RP1: variants seen among roughly 807,000 people sequenced by gnomAD.
RP1 encodes the protein RP1 axonemal microtubule associated.
In RP1, 16 loss-of-function variants were observed where a neutral mutation model predicts 14.8. The observed-to-expected ratio is 1.08, with a 90% CI of 0.73 to 1.65. RP1 has a LOEUF of 1.65. RP1 is among the 40% of genes most tolerant of loss of function. RP1 has a pLI of 0.00. For synonymous variants in RP1, 876 were observed against 883.6 expected, an observed-to-expected ratio of 0.99 and a Z score of 0.15; for missense variants, 2,631 against 2,535.0, an observed-to-expected ratio of 1.04 and a Z score of -0.81.
At chr8:54,691,396 A>G (rs1314843344) in intron 12 of RP1, among the ~76,000 whole-genome samples, 2 of 152,094 alleles carry the variant, frequency 1.3e-5, no homozygotes, top group Non-Finnish European at 2.9e-5. Context: ...GAAGAAATAA[A>G]TCTAGAAGGA....
At chr8:54,836,968 T>G (rs2129402947) in intron 24 of RP1, among the ~76,000 whole-genome samples, 1 of 152,266 alleles carries the variant, frequency 6.6e-6, no homozygotes, top group East Asian at 1.9e-4. Flanking sequence ...TTATGTGTTC[T>G]GGGGGGTGCA....
intron 24 of RP1, among the ~76,000 whole-genome samples, chr8:54,831,601 A>C (rs1277140128): frequency 6.6e-6 from 1 of 151,624 alleles, no homozygotes; most frequent in African/African-American, 2.4e-5. Flanking sequence ...TTCTACATAT[A>C]TTACAAACCC....
intron 15 of RP1, among the ~76,000 whole-genome samples, chr8:54,708,641 G>C (rs1032775879): frequency 6.6e-6 from 1 of 151,906 alleles, no homozygotes; most frequent in African/African-American, 2.4e-5. Flanking sequence ...TTACAGGCGT[G>C]AGCCACTGAG....
chr8:54,742,825 G>A (rs1278648352), intron 19 of RP1, among the ~76,000 whole-genome samples: 2 of 152,102 alleles, frequency 1.3e-5, no homozygotes, highest in Non-Finnish European at 2.9e-5. Flanking sequence ...GCTTTCTCTG[G>A]GGCCTGTGAG....
At chr8:54,855,973 C>CACACACA (rs367829972) in intron 26 of RP1, among the ~76,000 whole-genome samples, 1,290 of 102,236 alleles carry the variant, frequency 0.013, 31 homozygotes, top group African/African-American at 0.059. Flanking sequence ...ACACACACAC[C>CACACACA]CCCTATAACC....
rs553400335 is a variant in RP1, at chr8:54,694,208, G to A, written c.1718-5259G>A. Among the ~76,000 whole-genome samples, 456 of 152,226 alleles carry A rather than the reference G, an allele frequency of 3.0e-3. 3 individuals are homozygous for A. The highest frequency in any genetic ancestry group is 9.8e-3 in the African/African-American group (407 of 41,550). ...TGGATAAGCTTTTTGATGTGCTGCTGGATTCAGTTTGCCAGTATTTTATTG... is the reference window on the plus strand; with the variant it reads ...TGGATAAGCTTTTTGATGTGCTGCTAGATTCAGTTTGCCAGTATTTTATTG... On this transcript the variant is annotated intron_variant, in intron 12 of 22. Coordinates refer to the RP1 transcript ENST00000636932.
At chr8:54,704,193 C>T (rs991239779) in intron 14 of RP1, among the ~76,000 whole-genome samples, 1 of 152,186 alleles carries the variant, frequency 6.6e-6, no homozygotes, top group East Asian at 1.9e-4. Flanking sequence ...AGATCTTCCT[C>T]GCTAAGCTCA....
intron 24 of RP1, among the ~76,000 whole-genome samples, chr8:54,825,766 A>G (rs1811374304): frequency 6.6e-6 from 1 of 152,152 alleles, no homozygotes. Flanking sequence ...TTTCCTTTAC[A>G]TATTTTGCTT....
rs527280822 is a variant in RP1 at position 54,818,164 on chromosome 8, A to T, written c.3616-19286A>T. Among the ~76,000 whole-genome samples the T allele has an allele frequency of 3.5e-4, 53 of 152,364 alleles. 2 individuals are homozygous for T. The South Asian group carries it at 0.011, about 30-fold the overall frequency. On this transcript the variant is annotated intron_variant, in intron 24 of 28. Transcript: ENST00000637698. ...AAGGTCATCTTACACTGCCTTGGCTAGGTATGAATTTGACTGACAGTTTTA... is the reference window on the plus strand; with the variant it reads ...AAGGTCATCTTACACTGCCTTGGCTTGGTATGAATTTGACTGACAGTTTTA...
At chr8:54,768,582 G>C (rs1809823087) in intron 22 of RP1, among the ~76,000 whole-genome samples, 1 of 152,110 alleles carries the variant, frequency 6.6e-6, no homozygotes, top group Non-Finnish European at 1.5e-5. Context: ...GGTTTTTGTG[G>C]TATAATAATA....
intron 26 of RP1, among the ~76,000 whole-genome samples, chr8:54,856,293 A>G (rs1297844928): frequency 6.6e-6 from 1 of 152,062 alleles, no homozygotes; most frequent in African/African-American, 2.4e-5. Context: ...GTTTGGGGAG[A>G]CAGTGACTGA....
intron 3 of RP1, among the ~76,000 whole-genome samples, chr8:54,638,255 C>T (rs1011155032): frequency 2.0e-5 from 3 of 152,060 alleles, no homozygotes; most frequent in Admixed American, 6.5e-5. Context: ...CTCGGCAACA[C>T]AGTGAAACCC....
chr8:54,720,133 C>T (rs1808499635), exon 16 of RP1: 2 of 1,532,102 alleles, frequency 1.3e-6, no homozygotes, highest in Non-Finnish European at 8.7e-7. Context: ...TTGTAGGGTA[C>T]AGGAGATGTT....
At chr8:54,835,191 C>T (rs1350320867) in intron 24 of RP1, among the ~76,000 whole-genome samples, 1 of 152,070 alleles carries the variant, frequency 6.6e-6, no homozygotes. Flanking sequence ...AGGCATATTA[C>T]ATTTTTATTT....
At chr8:54,734,779 C>T (rs1285215556) in intron 18 of RP1, 2 of 1,484,462 alleles carry the variant, frequency 1.3e-6, no homozygotes, top group Non-Finnish European at 9.0e-7. Context: ...TTCCTGTGAA[C>T]ATTTCAAAGA....
At chr8:54,576,266 C>G (rs574167733) in intron 1 of RP1, among the ~76,000 whole-genome samples, 1 of 151,980 alleles carries the variant, frequency 6.6e-6, no homozygotes, top group South Asian at 2.1e-4. Context: ...GGATGAGTCT[C>G]GATCTCCTGA....
intron 12 of RP1, among the ~76,000 whole-genome samples, chr8:54,694,060 G>C (rs1003039392): frequency 6.6e-6 from 1 of 152,098 alleles, no homozygotes; most frequent in Non-Finnish European, 1.5e-5. Flanking sequence ...GGCCTTTTCT[G>C]CATTTACTGA....
At chr8:54,575,752 C>T (rs1445843998) in intron 1 of RP1, among the ~76,000 whole-genome samples, 1 of 152,006 alleles carries the variant, frequency 6.6e-6, no homozygotes, top group Non-Finnish European at 1.5e-5. Flanking sequence ...AGCTCAGTAC[C>T]CAATAGTTAT....
At chr8:54,849,551 A>G (rs1237715706) in intron 25 of RP1, among the ~76,000 whole-genome samples, 1 of 152,216 alleles carries the variant, frequency 6.6e-6, no homozygotes. Flanking sequence ...TGAAGAATCC[A>G]GGGATTAAGG....
Sources: allele counts gnomAD v4.1 joint callset (sites outside exome capture counted in the v4.1 genomes callset), GRCh38; gene constraint gnomAD v4.1.1; transcripts MANE v1.5; gene names NCBI Gene and HGNC (gene_info 2026-07-23, HGNC 2026-07-21).